Variants in SLC2A11 observed in about 807,000 individuals in gnomAD.
SLC2A11 encodes the protein solute carrier family 2, facilitated glucose transporter member 11.
SLC2A11 carries 43 observed loss-of-function variants against 52.1 expected under a neutral mutation model. The ratio of observed to expected loss-of-function variants is 0.82; its 90% CI spans 0.65 to 1.06. The LOEUF (loss-of-function observed/expected upper bound fraction) is 1.06, where lower values mean the gene tolerates loss of function less well. Ranked by LOEUF, SLC2A11 falls within the 50% of genes least tolerant of loss-of-function variation. The pLI, the probability that SLC2A11 is intolerant of heterozygous loss-of-function variation, is 0.00. For missense variants in SLC2A11, 582 were observed against 654.2 expected (o/e 0.89, Z 1.20); for synonymous variants, 261 against 277.6 (o/e 0.94, Z 0.59).
intron 6 of SLC2A11, among the ~76,000 whole-genome samples, chr22:23,878,775 T>TC (rs1377282034): frequency 1.3e-5 from 2 of 152,124 alleles, no homozygotes; most frequent in Non-Finnish European, 2.9e-5. Flanking sequence ...CATCCCAGGA[T>TC]CCCCCAAAGT....
At position 23,884,838 on chromosome 22, in the gene SLC2A11, A is replaced by G. The variant is rs781527628; in HGVS notation, c.1489A>G (p.Thr497Ala). Reference sequence around the variant, plus strand: ...GAGGAGCCTGGAGGTTATCCAGTCAACAGAACTCTAGTCCCAAAGGGGTGG... The same window carrying G: ...GAGGAGCCTGGAGGTTATCCAGTCAGCAGAACTCTAGTCCCAAAGGGGTGG... ...TWRSLEVIQSTEL is the reference protein window; with the variant it reads ...TWRSLEVIQSAEL The change falls in exon 12 of 12, where the codon ACA (threonine) becomes GCA (alanine). Residue 497 changes from threonine (T) to alanine (A), a missense_variant. By Grantham distance (58) the Thr-to-Ala change is moderately conservative. Transcript: ENST00000316185. The surrounding 1 kb of genome is among the most constrained non-coding windows in gnomAD (Gnocchi z 4.3). 4 of 1,614,132 alleles carry G rather than the reference A, an allele frequency of 2.5e-6. No individual in the cohort carries two copies. The highest frequency in any genetic ancestry group is 2.2e-5 in the East Asian group (1 of 44,884).
At chr22:23,872,835 T>C (rs1320789630) in intron 3 of SLC2A11, 2 of 152,182 alleles carry the variant, frequency 1.3e-5, no homozygotes, top group Non-Finnish European at 2.9e-5. Context: ...GGCAGCCCCC[T>C]ATCTCGTTAT....
intron 3 of SLC2A11, chr22:23,869,667 A>G (rs941926139): frequency 5.2e-5 from 13 of 247,836 alleles, no homozygotes; most frequent in Non-Finnish European, 7.7e-5. Flanking sequence ...CTCGCTTACT[A>G]GCAATCTTAG....
At chr22:23,883,116 T>G in intron 8 of SLC2A11, 1 of 530,616 alleles carries the variant, frequency 1.9e-6, no homozygotes, top group Non-Finnish European at 3.5e-6. Context: ...CAAAAAATTA[T>G]CCCGGCGTGG....
At position 23,884,284 on chromosome 22, in the gene SLC2A11, C is replaced by T. The variant is rs2032927117; in HGVS notation, c.1172-18C>T. ...GGAACCCTGGCCAGCAGCCCCCTGTCCCTGCCCCTCCTTCTAGCCGGAGTG... is the reference window on the plus strand; with the variant it reads ...GGAACCCTGGCCAGCAGCCCCCTGTTCCTGCCCCTCCTTCTAGCCGGAGTG... On this transcript the variant is annotated intron_variant, in intron 10 of 11. Transcript: ENST00000316185. This position sits in a 1 kb window ranked among gnomAD's most constrained non-coding sequence, Gnocchi z 4.3. 1 of 1,608,904 alleles carries T rather than the reference C, an allele frequency of 6.2e-7. No homozygotes were observed. Among genetic ancestry groups the T allele is most frequent in the Non-Finnish European group, 8.5e-7 (1 of 1,177,030 alleles).
In SLC2A11 at chr22:23,868,500, A is replaced by G. The variant is rs749807727; in HGVS notation, c.149A>G (p.Asn50Ser). 3 of 1,614,082 alleles carry G rather than the reference A, an allele frequency of 1.9e-6. No individual in the cohort carries two copies. The highest frequency in any genetic ancestry group is 1.3e-5 in the African/African-American group (1 of 74,932). Residue 50 changes from asparagine to serine, a missense_variant, in exon 3 of 12, where the codon AAT (asparagine) becomes AGT (serine). Asn to Ser is a conservative substitution (Grantham distance 46). Transcript: ENST00000316185. ...APTLHIQEFT[N>S]ETWQARTGEP... ...CCACAGCACATTCAGGAATTCACCA[A>G]TGAGACATGGCAGGCGCGTACTGGA...
intron 2 of SLC2A11, chr22:23,867,937 T>C (rs745657730): frequency 6.0e-6 from 2 of 332,886 alleles, no homozygotes; most frequent in South Asian, 2.5e-5. Flanking sequence ...TGAGCCATTG[T>C]TGCAAATTAT....
chr22:23,878,310 C>T (rs1457305520), intron 6 of SLC2A11, among the ~76,000 whole-genome samples: 2 of 150,594 alleles, frequency 1.3e-5, no homozygotes, highest in African/African-American at 4.9e-5. Flanking sequence ...TGGCTGGCTG[C>T]ACAGCTCTGC....
At chr22:23,882,688 T>C in intron 7 of SLC2A11, 42 bp downstream of exon 7, 1 of 1,606,812 alleles carries the variant, frequency 6.2e-7, no homozygotes, top group Non-Finnish European at 8.5e-7. Flanking sequence ...CCCCGGGGGC[T>C]TGGTGTTGCA....
At chr22:23,863,849 T>A (rs1029499039) in intron 2 of SLC2A11, among the ~76,000 whole-genome samples, 2 of 152,128 alleles carry the variant, frequency 1.3e-5, no homozygotes, top group African/African-American at 4.8e-5. Flanking sequence ...CAGGCTGGTC[T>A]CAAACTCCTG....
upstream of SLC2A11, chr22:23,856,962 G>A (rs1431028252): frequency 1.9e-6 from 3 of 1,611,886 alleles, no homozygotes; most frequent in Non-Finnish European, 2.5e-6. Flanking sequence ...CTCTGCCCAG[G>A]ACGCACAGAT....
chr22:23,857,588 G>A (rs1003030731), upstream of SLC2A11: 5 of 854,858 alleles, frequency 5.8e-6, no homozygotes, highest in East Asian at 5.6e-5. Flanking sequence ...CCCCCCCCCC[G>A]CGGCGGCGAC....
intron 1 of SLC2A11, among the ~76,000 whole-genome samples, chr22:23,861,269 C>G (rs146647161): frequency 1.4e-5 from 2 of 139,368 alleles, no homozygotes; most frequent in East Asian, 2.1e-4. Flanking sequence ...TGAGCCACTG[C>G]GCCAGGCCAA....
chr22:23,857,577 A>AACCCC (rs1568980416), upstream of SLC2A11: 3 of 1,170,950 alleles, frequency 2.6e-6, no homozygotes, highest in Non-Finnish European at 2.4e-6. Context: ...GTGACCCCAA[A>AACCCC]CCCCCCCCCC....
chr22:23,877,339 C>A, intron 5 of SLC2A11, 168 bp downstream of exon 5: 1 of 1,107,972 alleles, frequency 9.0e-7, no homozygotes, highest in Non-Finnish European at 1.4e-6. Context: ...AAATGGGTAT[C>A]AGTCAACACA....
intron 3 of SLC2A11, chr22:23,873,211 G>A (rs1409014777): frequency 2.6e-5 from 4 of 151,884 alleles, no homozygotes; most frequent in African/African-American, 7.3e-5. Flanking sequence ...TAGTAGAGAC[G>A]GGGTTTCACT....
intron 4 of SLC2A11, among the ~76,000 whole-genome samples, chr22:23,875,571 A>G (rs535527496): frequency 1.3e-5 from 2 of 152,096 alleles, no homozygotes; most frequent in Non-Finnish European, 2.9e-5. Context: ...GGGATATAGG[A>G]TGAGTTTTCT....
At chr22:23,857,639 G>C (rs928549214), upstream of SLC2A11, 2 of 976,854 alleles carry the variant, frequency 2.0e-6, no homozygotes, top group Non-Finnish European at 2.9e-6. Context: ...AGCACCCCCA[G>C]CCCTTCTTAA....
upstream of SLC2A11, chr22:23,857,513 C>A (rs1419325946): frequency 6.2e-7 from 1 of 1,613,718 alleles, no homozygotes; most frequent in South Asian, 1.1e-5. Flanking sequence ...TGGAGCCGTC[C>A]TTACGGCCTC....
Sources: gnomAD v4.1 joint callset for allele counts (sites outside exome capture counted in the v4.1 genomes callset) on GRCh38, gnomAD v4.1.1 for gene constraint, Gnocchi (gnomAD v3.1) non-coding constraint, MANE v1.5 for transcripts, NCBI Gene and HGNC (gene_info 2026-07-23, HGNC 2026-07-21) for gene names.